Variants in ZNF382 observed in about 807,000 individuals in gnomAD.
ZNF382 encodes zinc finger protein 382.
A neutral mutation model predicts 38.8 loss-of-function variants in ZNF382; 20 were observed. The observed-to-expected ratio is 0.51, with a 90% CI of 0.36 to 0.75. The LOEUF is 0.75. Among genes scored for constraint, ZNF382 ranks in the 30% least tolerant of loss-of-function variants. The probability of loss-of-function intolerance (pLI) is 0.00; values close to 1 mark genes in which losing one functional copy is unlikely to be tolerated. For missense variants in ZNF382, 546 were observed against 654.1 expected, an observed-to-expected ratio of 0.83 and a Z score of 1.80; for synonymous variants, 202 against 223.1, an observed-to-expected ratio of 0.91 and a Z score of 0.84.
chr19:36,615,256 C>T (rs1345756216), intron 4 of ZNF382, among the ~76,000 whole-genome samples: 1 of 151,966 alleles, frequency 6.6e-6, no homozygotes, highest in African/African-American at 2.4e-5. Context: ...AGTGCTGGGA[C>T]TACAGGCATG....
At chr19:36,613,422 C>CT (rs11353427) in intron 4 of ZNF382, among the ~76,000 whole-genome samples, 292 of 121,230 alleles carry the variant, frequency 2.4e-3, no homozygotes, top group Middle Eastern at 4.3e-3. Flanking sequence ...GTATATTTTG[C>CT]TTTTTTTTTT....
Position 36,626,138 on chromosome 19 carries a change from G to A in ZNF382, c.241G>A (p.Gly81Arg). ...ATGGTATTCTTTTCTAGAAGAAGAT[G>A]GGAAAACTGAAGATGTCTTAGTGAA... ...FPSYSYLEED[G>R]KTEDVLVKFK... Residue 81 changes from glycine to arginine, a missense_variant, in exon 5 of 5, where the codon GGG (glycine) becomes AGG (arginine). Physicochemically the swap from Gly to Arg is moderately radical, Grantham distance 125. Transcript: ENST00000292928. 1 of 1,538,134 alleles carries A rather than the reference G, an allele frequency of 6.5e-7. No individual in the cohort carries two copies. Among genetic ancestry groups the A allele is most frequent in the Non-Finnish European group, 8.7e-7 (1 of 1,149,532 alleles).
At chr19:36,613,506 C>T (rs2037095984) in intron 4 of ZNF382, among the ~76,000 whole-genome samples, 1 of 150,962 alleles carries the variant, frequency 6.6e-6, no homozygotes, top group African/African-American at 2.4e-5. Context: ...TCACCGCAAC[C>T]TCCGCTTCCC....
chr19:36,607,490 T>A, intron 1 of ZNF382, 62 bp from the exon 2 acceptor site: 1 of 980,666 alleles, frequency 1.0e-6, no homozygotes, highest in South Asian at 1.4e-5. Flanking sequence ...CTGAGTTAAT[T>A]CTGGGAGTTC....
chr19:36,617,311 A>G (rs1298922549), intron 4 of ZNF382, among the ~76,000 whole-genome samples: 1 of 152,156 alleles, frequency 6.6e-6, no homozygotes, highest in East Asian at 1.9e-4. Context: ...AACTTCATAT[A>G]AACAAGAGGA....
At position 36,630,885 on chromosome 19, in the gene ZNF382, A is replaced by C. The variant is rs2037250037; in HGVS notation, c.*3335A>C. 1 of 151,588 alleles carries C rather than the reference A, an allele frequency of 6.6e-6. No homozygotes were observed. The highest frequency in any genetic ancestry group is 6.6e-5 in the Admixed American group (1 of 15,196). The allele number at this position is 151,588 out of a possible 1,614,324, so 9.4% of individuals were successfully genotyped here. On this transcript the variant is annotated 3_prime_UTR_variant, in exon 5 of 5. Transcript: ENST00000292928. The stretch of plus-strand genomic sequence containing the variant: ...CTGCAGACTTGAATTCCTGGACTCA[A>C]GCAATTCTCCTGCCTCAGCCTCCCA...
chr19:36,621,430 C>T (rs1003211972), intron 4 of ZNF382, among the ~76,000 whole-genome samples: 3 of 147,804 alleles, frequency 2.0e-5, no homozygotes, highest in Non-Finnish European at 4.4e-5. Flanking sequence ...GTGACAGGAT[C>T]ATACCCGATT....
intron 4 of ZNF382, among the ~76,000 whole-genome samples, chr19:36,619,259 A>C (rs1168575356): frequency 6.6e-6 from 1 of 152,244 alleles, no homozygotes; most frequent in East Asian, 1.9e-4. Flanking sequence ...TTGATTGATT[A>C]AATGCCAGCA....
intron 4 of ZNF382, among the ~76,000 whole-genome samples, chr19:36,624,213 G>A (rs1049198097): frequency 2.0e-5 from 3 of 152,200 alleles, no homozygotes; most frequent in Non-Finnish European, 2.9e-5. Context: ...TTAGTTTTAC[G>A]TGTTCAAACT....
At position 36,627,561 on chromosome 19, in the gene ZNF382, T is replaced by C; in HGVS notation, c.*11T>C. On this transcript the variant is annotated 3_prime_UTR_variant, in exon 5 of 5. Coordinates refer to ENST00000292928, the MANE Select transcript of ZNF382 (RefSeq NM_032825.5). Reference sequence around the variant, plus strand: ...ACGGGAATTCAGTAAGTAATGTGGCTTTTTTTGTAAAAAAATGTTAAGTCA... The same window carrying C: ...ACGGGAATTCAGTAAGTAATGTGGCCTTTTTTGTAAAAAAATGTTAAGTCA... 6.3e-7 allele frequency: 1 copy of C among 1,584,758 alleles called. No individual in the cohort carries two copies.
intron 2 of ZNF382, chr19:36,609,348 T>C (rs2162296): frequency 0.87 from 132,812 of 152,292 alleles, 58,717 homozygotes; most frequent in African/African-American, 0.93. Flanking sequence ...AATATCCCCA[T>C]TGCCTATCTC....
chr19:36,611,561 G>T lies in ZNF382; in HGVS notation c.232+819G>T, dbSNP rs140887300. ...TCATTCATCCGTCAGTGGTCCGTTG[G>T]GTTCCTTCCATCTTTTGGCTATTGT... is the stretch of plus-strand genomic sequence containing the variant. On this transcript the variant is annotated intron_variant, in intron 4 of 4. Transcript: ENST00000292928. Among the ~76,000 whole-genome samples the T allele has an allele frequency of 1.6e-3, 236 of 152,120 alleles. 1 individual carries two copies. The highest frequency in any genetic ancestry group is 5.1e-3 in the African/African-American group (213 of 41,502).
chr19:36,606,925 A>G (rs965125279), intron 1 of ZNF382, among the ~76,000 whole-genome samples: 3 of 151,758 alleles, frequency 2.0e-5, no homozygotes, highest in Non-Finnish European at 4.4e-5. Flanking sequence ...TAAAAATACA[A>G]AATTAGCCGG....
rs2037251873 is a variant in ZNF382, at chr19:36,631,188, TCA to T, written c.*3641_*3642del. 1 of 152,190 alleles carries T rather than the reference TCA, an allele frequency of 6.6e-6. No individual in the cohort carries two copies. Among genetic ancestry groups the T allele is most frequent in the Non-Finnish European group, 1.5e-5 (1 of 68,048 alleles). The allele number at this position is 152,190 out of a possible 1,614,324, so 9.4% of individuals were successfully genotyped here. The stretch of plus-strand genomic sequence containing the variant: ...AGGCAGTGTCATGATCGTGCAAGCA[TCA>T]CAGAGTGCTGATACAAACCGAGATG... On this transcript the variant is annotated 3_prime_UTR_variant, in exon 5 of 5. Coordinates refer to ENST00000292928, the MANE Select transcript of ZNF382 (RefSeq NM_032825.5).
intron 4 of ZNF382, among the ~76,000 whole-genome samples, chr19:36,611,505 C>G (rs565912899): frequency 4.5e-4 from 68 of 152,178 alleles, no homozygotes; most frequent in African/African-American, 1.6e-3. Context: ...GATTAATATT[C>G]TGTTGTATGT....
At chr19:36,613,067 A>G (rs1336530309) in intron 4 of ZNF382, among the ~76,000 whole-genome samples, 1 of 152,246 alleles carries the variant, frequency 6.6e-6, no homozygotes, top group Non-Finnish European at 1.5e-5. Context: ...CTGGGATTAC[A>G]GGCGTGAGCC....
rs2037226297 is a variant in ZNF382 at position 36,627,631 on chromosome 19, C to T, written c.*81C>T. 2 of 1,037,044 alleles carry T rather than the reference C, an allele frequency of 1.9e-6. No individual in the cohort carries two copies. Among genetic ancestry groups the T allele is most frequent in the Non-Finnish European group, 2.9e-6 (2 of 695,950 alleles). 64.2% of individuals were successfully genotyped at this position (1,037,044 alleles called of 1,614,324 possible). A position where few individuals can be genotyped will look rare whatever the true frequency, so the allele number is the denominator to read the frequency against. On this transcript the variant is annotated 3_prime_UTR_variant, in exon 5 of 5. Coordinates refer to ENST00000292928, the MANE Select transcript of ZNF382 (RefSeq NM_032825.5). ...TGTTGCTTGCAAGCGTAATATCCAA[C>T]AGTTTAAGGTACTATACCACATGGT...
intron 4 of ZNF382, among the ~76,000 whole-genome samples, chr19:36,625,759 A>G (rs2037207547): frequency 6.6e-6 from 1 of 152,052 alleles, no homozygotes; most frequent in Non-Finnish European, 1.5e-5. Context: ...GGGTTTCACC[A>G]TGTTGGCCAG....
At chr19:36,616,551 T>G (rs1360595952) in intron 4 of ZNF382, among the ~76,000 whole-genome samples, 1 of 152,196 alleles carries the variant, frequency 6.6e-6, no homozygotes, top group Admixed American at 6.5e-5. Context: ...TTTGCTCCAC[T>G]TTATATTTTT....
Sources: gnomAD v4.1 joint callset for allele counts (sites outside exome capture counted in the v4.1 genomes callset) on GRCh38, gnomAD v4.1.1 for gene constraint, MANE v1.5 for transcripts, NCBI Gene and HGNC (gene_info 2026-07-23, HGNC 2026-07-21) for gene names.